The following CALN1 variants were observed in gnomAD, a reference collection of about 807,000 sequenced individuals.
CALN1 encodes calneuron 1.
Under a neutral mutation model 30.6 loss-of-function variants are expected in CALN1, and 17 were observed. That is an observed-to-expected ratio of 0.56 (90% CI 0.38 to 0.83). CALN1 has a LOEUF of 0.83. CALN1 is among the 40% of genes least tolerant of loss of function. The pLI is 0.00. For synonymous variants in CALN1, 156 were observed against 131.4 expected (o/e 1.19, Z -1.28); for missense variants, 291 against 354.9 (o/e 0.82, Z 1.45).
chr7:72,299,855 G>A (rs1433909232), intron 2 of CALN1, among the ~76,000 whole-genome samples: 4 of 151,680 alleles, frequency 2.6e-5, no homozygotes, highest in African/African-American at 7.3e-5. Flanking sequence ...CTTTTTCAAT[G>A]GGGGAGAGTT....
intron 5 of CALN1, among the ~76,000 whole-genome samples, chr7:71,824,341 T>C (rs376758108): frequency 1.3e-5 from 2 of 152,140 alleles, no homozygotes; most frequent in Non-Finnish European, 2.9e-5. Context: ...AGGAGCACTC[T>C]CTACAGGTGG....
chr7:72,077,828 C>T (rs1804853525), intron 4 of CALN1, among the ~76,000 whole-genome samples: 1 of 152,302 alleles, frequency 6.6e-6, no homozygotes, highest in East Asian at 1.9e-4. Flanking sequence ...ACTTTGCAGA[C>T]TATTTTCCAG....
the CALN1 span, among the ~76,000 whole-genome samples, chr7:72,477,479 A>G: frequency 6.6e-6 from 1 of 152,060 alleles, no homozygotes; most frequent in African/African-American, 2.4e-5. Flanking sequence ...GTGCAGTGGC[A>G]TGATCATAGC....
intron 4 of CALN1, among the ~76,000 whole-genome samples, chr7:72,091,060 G>GT (rs1805825564): frequency 6.6e-6 from 1 of 152,162 alleles, no homozygotes; most frequent in Admixed American, 6.5e-5. Flanking sequence ...GGGCGCGGTG[G>GT]CTCATGCCTG....
intron 3 of CALN1, among the ~76,000 whole-genome samples, chr7:72,167,483 T>G (rs1788608828): frequency 6.6e-6 from 1 of 152,190 alleles, no homozygotes; most frequent in African/African-American, 2.4e-5. Flanking sequence ...TAGCTGGGAC[T>G]ACAGGAGCCC....
intron 4 of CALN1, among the ~76,000 whole-genome samples, chr7:72,073,677 T>TTCTCC (rs139378648): frequency 7.0e-5 from 10 of 141,970 alleles, no homozygotes; most frequent in Non-Finnish European, 1.1e-4. Context: ...CTCCCCTCCC[T>TTCTCC]TCTCCTCTCC....
chr7:72,202,915 A>G (rs1021681059), intron 3 of CALN1, among the ~76,000 whole-genome samples: 1 of 152,222 alleles, frequency 6.6e-6, no homozygotes. Flanking sequence ...TATTTACAAT[A>G]GCAAAGACTT....
chr7:72,224,027 T>C (rs369920804), intron 3 of CALN1, among the ~76,000 whole-genome samples: 2 of 151,892 alleles, frequency 1.3e-5, no homozygotes, highest in Admixed American at 1.3e-4. Context: ...AAGGCAAGGG[T>C]TAAAAAGCTA....
chr7:72,390,999 T>G (rs771954818), intron 2 of CALN1, among the ~76,000 whole-genome samples: 1 of 152,212 alleles, frequency 6.6e-6, no homozygotes, highest in Non-Finnish European at 1.5e-5. Context: ...CTAAGAAGAT[T>G]TCTTTGTACA....
At chr7:72,004,098 A>G (rs1392720139) in intron 5 of CALN1, among the ~76,000 whole-genome samples, 1 of 152,252 alleles carries the variant, frequency 6.6e-6, no homozygotes, top group Non-Finnish European at 1.5e-5. Flanking sequence ...AGGAAAGAAT[A>G]AAGTACAAGA....
intron 3 of CALN1, among the ~76,000 whole-genome samples, chr7:72,170,478 A>C (rs963287838): frequency 3.9e-5 from 6 of 152,238 alleles, no homozygotes; most frequent in Non-Finnish European, 8.8e-5. Flanking sequence ...ATCTTCAAAA[A>C]GACAAAAAAG....
chr7:72,410,986 A>C (rs12699138), intron 1 of CALN1, among the ~76,000 whole-genome samples: 24,803 of 152,170 alleles, frequency 0.16, 2,981 homozygotes, highest in African/African-American at 0.33. Context: ...GATTATATGT[A>C]TGGAAAATCC....
chr7:72,402,918 T>C (rs1806439218), intron 2 of CALN1, among the ~76,000 whole-genome samples: 1 of 152,156 alleles, frequency 6.6e-6, no homozygotes, highest in Non-Finnish European at 1.5e-5. Flanking sequence ...TTGATTGAAA[T>C]TGTCTATGCA....
chr7:72,487,948 AG>A, the CALN1 span, among the ~76,000 whole-genome samples: 1 of 72,948 alleles, frequency 1.4e-5, no homozygotes, highest in African/African-American at 6.5e-5. Context: ...GAAGGAAGGA[AG>A]GAAGGAAAGG....
At chr7:71,983,531 CTTTTT>C (rs5884866) in intron 5 of CALN1, among the ~76,000 whole-genome samples, 4 of 147,614 alleles carry the variant, frequency 2.7e-5, no homozygotes, top group African/African-American at 1.1e-4. Context: ...TGATTGGATG[CTTTTT>C]TTTTCTTTTT....
At chr7:71,898,427 T>G (rs1793670387) in intron 5 of CALN1, among the ~76,000 whole-genome samples, 2 of 152,108 alleles carry the variant, frequency 1.3e-5, no homozygotes, top group Admixed American at 1.3e-4. Flanking sequence ...ATTTAGGAAC[T>G]GAAATGTAGG....
intron 2 of CALN1, among the ~76,000 whole-genome samples, chr7:72,375,817 A>G (rs188541477): frequency 8.1e-4 from 123 of 152,186 alleles, no homozygotes; most frequent in Non-Finnish European, 1.5e-3. Flanking sequence ...TAAGTATATA[A>G]TTGTTTGTTA....
At chr7:71,936,917 C>T (rs992897956) in intron 5 of CALN1, among the ~76,000 whole-genome samples, 45 of 151,232 alleles carry the variant, frequency 3.0e-4, no homozygotes, top group African/African-American at 8.4e-4. Context: ...TTTTGTATCT[C>T]CCTCATTTTC....
intron 2 of CALN1, among the ~76,000 whole-genome samples, chr7:72,294,431 C>T (rs1158338909): frequency 2.6e-5 from 4 of 152,118 alleles, no homozygotes; most frequent in East Asian, 3.9e-4. Flanking sequence ...TATCATAGCA[C>T]TGTAAAGTAA....
Sources: allele counts gnomAD v4.1 joint callset (sites outside exome capture counted in the v4.1 genomes callset), GRCh38; gene constraint gnomAD v4.1.1; transcripts MANE v1.5; gene names NCBI Gene and HGNC (gene_info 2026-07-23, HGNC 2026-07-21).